METTL2A: variants seen among roughly 807,000 people sequenced by gnomAD.
METTL2A encodes tRNA N(3)-cytidine methyltransferase METTL2A.
Under a neutral mutation model 49.4 loss-of-function variants are expected in METTL2A, and 45 were observed. That is an observed-to-expected ratio of 0.91 (90% CI 0.72 to 1.17). The LOEUF (loss-of-function observed/expected upper bound fraction) is 1.17. Ranked by LOEUF, METTL2A falls within the 50% of genes most tolerant of loss-of-function variation. The probability of loss-of-function intolerance (pLI) is 0.00; values close to 1 mark genes in which losing one functional copy is unlikely to be tolerated. For synonymous variants in METTL2A, 118 were observed against 167.5 expected, an observed-to-expected ratio of 0.70 and a Z score of 2.28; for missense variants, 361 against 462.2, an observed-to-expected ratio of 0.78 and a Z score of 2.01.
intron 1 of METTL2A, 91 bp downstream of exon 1, chr17:62,424,103 A>G: frequency 6.3e-7 from 1 of 1,581,006 alleles, no homozygotes; most frequent in Non-Finnish European, 8.6e-7. Context: ...GCCGGCCACG[A>G]GTCAAGCTGC....
At chr17:62,429,540 C>T (rs2070650699) in intron 4 of METTL2A, among the ~76,000 whole-genome samples, 1 of 152,156 alleles carries the variant, frequency 6.6e-6, no homozygotes, top group African/African-American at 2.4e-5. Flanking sequence ...ATCCACCTGC[C>T]TCGGCCTCCC....
In METTL2A at chr17:62,451,142, A is replaced by AG. The variant is rs2070803330; in HGVS notation, c.*2413_*2414insG. Among the ~76,000 whole-genome samples, 3 of 99,066 alleles carry AG rather than the reference A, an allele frequency of 3.0e-5. No homozygotes were observed. The highest frequency in any genetic ancestry group is 1.0e-4 in the African/African-American group (3 of 29,156). The allele number at this position is 99,066 out of a possible 152,430, so 65.0% of individuals were successfully genotyped here. On this transcript the variant is annotated 3_prime_UTR_variant, in exon 9 of 9. Transcript: ENST00000311506. ...GGCTGGGTAATGTAGCAAGACCCTG[A>AG]CTTTTTTTTTTTTTTTTTTTTGAGA...
chr17:62,446,265 C>T (rs1278354442), intron 7 of METTL2A, among the ~76,000 whole-genome samples: 1 of 151,618 alleles, frequency 6.6e-6, no homozygotes, highest in African/African-American at 2.4e-5. Flanking sequence ...CCGCCTTGGC[C>T]TCCCAAAATG....
chr17:62,430,793 C>A (rs964804480), intron 4 of METTL2A, among the ~76,000 whole-genome samples: 57 of 152,116 alleles, frequency 3.7e-4, no homozygotes, highest in African/African-American at 1.0e-3. Flanking sequence ...ATTATCCTGC[C>A]TCAGCCTCCC....
At chr17:62,424,403 C>A in intron 2 of METTL2A, 93 bp downstream of exon 2, 1 of 1,550,690 alleles carries the variant, frequency 6.4e-7, no homozygotes, top group Non-Finnish European at 8.8e-7. Context: ...CCGCCCAGAT[C>A]CTTTATTCCT....
intron 6 of METTL2A, among the ~76,000 whole-genome samples, chr17:62,444,609 C>T (rs1050966818): frequency 2.6e-5 from 4 of 152,132 alleles, no homozygotes; most frequent in African/African-American, 7.2e-5. Context: ...ACGGCAGAAG[C>T]GGGCTGTCCT....
At chr17:62,432,471 C>T (rs1254976941) in intron 4 of METTL2A, among the ~76,000 whole-genome samples, 4 of 152,034 alleles carry the variant, frequency 2.6e-5, no homozygotes, top group Admixed American at 6.6e-5. Flanking sequence ...GAGTTCAGGA[C>T]GAGCCTGAGC....
At chr17:62,424,821 G>T (rs917744109) in intron 2 of METTL2A, among the ~76,000 whole-genome samples, 1 of 151,776 alleles carries the variant, frequency 6.6e-6, no homozygotes, top group Non-Finnish European at 1.5e-5. Context: ...GTGGAGATAA[G>T]TCTGGCCAAA....
rs372130972 is a variant in METTL2A at position 62,446,252 on chromosome 17, C to T, written c.916+1309C>T. Reference sequence around the variant, plus strand: ...CACTGCAACCTCTGCCTCCTGGGTCCACCCGCCTTGGCCTCCCAAAATGCT... The same window carrying T: ...CACTGCAACCTCTGCCTCCTGGGTCTACCCGCCTTGGCCTCCCAAAATGCT... On this transcript the variant is annotated intron_variant, in intron 7 of 8. Transcript: ENST00000311506. Among the ~76,000 whole-genome samples the T allele has an allele frequency of 1.1e-4, 16 of 152,248 alleles. No homozygotes were observed. In the South Asian group the frequency reaches 3.3e-3, roughly 32 times the overall value.
At chr17:62,439,017 C>T (rs1272727626) in intron 5 of METTL2A, among the ~76,000 whole-genome samples, 2 of 133,152 alleles carry the variant, frequency 1.5e-5, no homozygotes, top group African/African-American at 2.9e-5. Context: ...CTAGCTCTGT[C>T]GCCCAGGCTG....
chr17:62,429,819 C>T (rs1337807498), intron 4 of METTL2A, among the ~76,000 whole-genome samples: 13 of 152,060 alleles, frequency 8.5e-5, no homozygotes, highest in Admixed American at 2.0e-4. Context: ...TACAGGCATG[C>T]GCCACAATGC....
chr17:62,452,015 G>C lies in METTL2A; in HGVS notation c.*3286G>C, dbSNP rs1397169881. Among the ~76,000 whole-genome samples, 1 of 152,114 alleles carries C rather than the reference G, an allele frequency of 6.6e-6. No individual in the cohort carries two copies. Among genetic ancestry groups the C allele is most frequent in the Non-Finnish European group, 1.5e-5 (1 of 68,024 alleles). On this transcript the variant is annotated 3_prime_UTR_variant, in exon 9 of 9. Transcript: ENST00000311506. ...GCGGAGGTTGCGGTGAGCCGAGATCGCGCCATTGCACTCCAGCCTGGGCAA... is the reference window on the plus strand; with the variant it reads ...GCGGAGGTTGCGGTGAGCCGAGATCCCGCCATTGCACTCCAGCCTGGGCAA...
At position 62,450,176 on chromosome 17, in the gene METTL2A, T is replaced by C. The variant is rs949952117; in HGVS notation, c.*1447T>C. The stretch of plus-strand genomic sequence containing the variant: ...CTTAAGTGTTTGACACAAAAGGAAT[T>C]GAGGGAACTTCTTAATTTTAACCAC... On this transcript the variant is annotated 3_prime_UTR_variant, in exon 9 of 9. Coordinates refer to ENST00000311506, the MANE Select transcript of METTL2A (RefSeq NM_181725.4). 2.6e-5 allele frequency: 4 copies of C among 151,700 alleles called. No individual in the cohort carries two copies. Among genetic ancestry groups the C allele is most frequent in the African/African-American group, 7.3e-5 (3 of 41,262 alleles). 9.4% of individuals were successfully genotyped at this position (151,700 alleles called of 1,614,324 possible).
At chr17:62,441,503 A>G (rs2070738250) in intron 6 of METTL2A, among the ~76,000 whole-genome samples, 1 of 151,994 alleles carries the variant, frequency 6.6e-6, no homozygotes, top group African/African-American at 2.4e-5. Flanking sequence ...CTGGAATGCA[A>G]TGGCGTGATC....
At chr17:62,438,331 T>G (rs1313369400) in intron 5 of METTL2A, among the ~76,000 whole-genome samples, 2 of 149,580 alleles carry the variant, frequency 1.3e-5, no homozygotes, top group Non-Finnish European at 3.0e-5. Context: ...CGCTTGAATC[T>G]GGGAGGCAGA....
chr17:62,447,914 A>G lies in METTL2A; in HGVS notation c.982+148A>G, dbSNP rs563802734. On this transcript the variant is annotated intron_variant, in intron 8 of 8. Coordinates refer to ENST00000311506, the MANE Select transcript of METTL2A (RefSeq NM_181725.4). ...TTCCCTGCTGCTCACACCCTCTTCC[A>G]CCCTGGGCTAGGCTACCCATGGCAG... is the stretch of plus-strand genomic sequence containing the variant. The G allele has an allele frequency of 1.6e-5, 25 of 1,525,044 alleles. No homozygotes were observed. The Admixed American group carries it at 4.7e-4, about 29-fold the overall frequency. 94.5% of individuals were successfully genotyped at this position (1,525,044 alleles called of 1,614,324 possible). A position where few individuals can be genotyped will look rare whatever the true frequency, so the allele number is the denominator to read the frequency against.
At chr17:62,440,554 T>C in intron 5 of METTL2A, 63 bp from the exon 6 acceptor site, 7 of 1,532,386 alleles carry the variant, frequency 4.6e-6, no homozygotes, top group Non-Finnish European at 8.8e-7. Flanking sequence ...TAAAACAAGA[T>C]AATCTTTTCT....
At chr17:62,438,400 T>G (rs1598034201) in intron 5 of METTL2A, among the ~76,000 whole-genome samples, 1 of 125,528 alleles carries the variant, frequency 8.0e-6, no homozygotes, top group Non-Finnish European at 1.6e-5. Flanking sequence ...AGAGTGAAAC[T>G]CCATCTCAAA....
At chr17:62,437,106 G>A (rs952062272) in intron 5 of METTL2A, among the ~76,000 whole-genome samples, 3 of 150,092 alleles carry the variant, frequency 2.0e-5, no homozygotes, top group Admixed American at 6.7e-5. Flanking sequence ...CAAGATTGCA[G>A]CAATTCAGTC....
Sources: allele counts gnomAD v4.1 joint callset (sites outside exome capture counted in the v4.1 genomes callset), GRCh38; gene constraint gnomAD v4.1.1; transcripts MANE v1.5; gene names NCBI Gene and HGNC (gene_info 2026-07-23, HGNC 2026-07-21).